Variants in APAF1 observed in about 807,000 individuals in gnomAD.
APAF1 encodes the protein apoptotic peptidase activating factor 1.
In APAF1, 91 loss-of-function variants were observed where a neutral mutation model predicts 152.4. That is an observed-to-expected ratio of 0.60 (90% confidence interval 0.50 to 0.71). APAF1 has a LOEUF of 0.71. APAF1 is among the 30% of genes least tolerant of loss of function. The pLI, the probability that APAF1 is intolerant of heterozygous loss-of-function variation, is 0.00. For missense variants in APAF1, 1,283 were observed against 1,472.0 expected (o/e 0.87, Z 2.10); for synonymous variants, 484 against 494.1 (o/e 0.98, Z 0.27).
intron 13 of APAF1, among the ~76,000 whole-genome samples, chr12:98,679,691 A>G (rs920297744): frequency 6.6e-6 from 1 of 152,196 alleles, no homozygotes; most frequent in Non-Finnish European, 1.5e-5. Flanking sequence ...TGGCATCTCC[A>G]AGCTTCTGGG....
At chr12:98,655,877 G>A (rs1257021649) in intron 4 of APAF1, among the ~76,000 whole-genome samples, 2 of 151,730 alleles carry the variant, frequency 1.3e-5, no homozygotes, top group South Asian at 2.1e-4. Flanking sequence ...TCGGCCTCCC[G>A]GGTTCACACC....
At chr12:98,660,327 C>T (rs1173391591) in intron 5 of APAF1, among the ~76,000 whole-genome samples, 1 of 151,256 alleles carries the variant, frequency 6.6e-6, no homozygotes, top group Non-Finnish European at 1.5e-5. Flanking sequence ...GCTTGGGTGG[C>T]AGAGGAAGAC....
At position 98,699,284 on chromosome 12, in the gene APAF1, A is replaced by G; in HGVS notation, c.2305-124A>G. On this transcript the variant is annotated intron_variant, in intron 16 of 26. Coordinates refer to ENST00000551964, the MANE Select transcript of APAF1 (RefSeq NM_181861.2). ...TTAAAAGCCTTACAAAAAGTCATGC[A>G]TAGGTAAAAATAATTCATCAAGTGA... 5 of 945,052 alleles carry G rather than the reference A, an allele frequency of 5.3e-6. No individual in the cohort carries two copies. The Admixed American group carries it at 1.2e-4, about 23-fold the overall frequency. The allele number at this position is 945,052 out of a possible 1,614,324, so 58.5% of individuals were successfully genotyped here. A position where few individuals can be genotyped will look rare whatever the true frequency, so the allele number is the denominator to read the frequency against.
intron 22 of APAF1, among the ~76,000 whole-genome samples, 192 bp from the exon 23 acceptor site, chr12:98,723,001 T>C (rs1364169434): frequency 6.6e-6 from 1 of 152,210 alleles, no homozygotes; most frequent in East Asian, 1.9e-4. Flanking sequence ...ATTTTGCCCC[T>C]AGTCAATTTA....
Position 98,678,035 on chromosome 12 carries a change from T to G in APAF1, c.1920+484T>G, listed in dbSNP as rs139536814. Among the ~76,000 whole-genome samples, 3 of 151,752 alleles carry G rather than the reference T, an allele frequency of 2.0e-5. No individual in the cohort carries two copies. In the East Asian group the frequency reaches 5.8e-4, roughly 29 times the overall value. ...AGAAAATATTAATGAGTACTTTTCT[T>G]TATGTTTGTGTTCTGCCTTTTGATT... is the stretch of plus-strand genomic sequence containing the variant. On this transcript the variant is annotated intron_variant, in intron 13 of 26. Coordinates refer to ENST00000551964, the MANE Select transcript of APAF1 (RefSeq NM_181861.2).
At chr12:98,664,986 T>C (rs988563078) in intron 7 of APAF1, among the ~76,000 whole-genome samples, 2 of 152,122 alleles carry the variant, frequency 1.3e-5, no homozygotes, top group Non-Finnish European at 2.9e-5. Context: ...TAAGATTTTT[T>C]CACTATTCTA....
intron 16 of APAF1, among the ~76,000 whole-genome samples, chr12:98,696,634 T>C (rs2097710238): frequency 6.6e-6 from 1 of 152,156 alleles, no homozygotes; most frequent in Non-Finnish European, 1.5e-5. Flanking sequence ...TACTCGCCTG[T>C]GCTTGAAACT....
chr12:98,654,816 C>CTTTTTTTTTTTTTTTTTTTTTTATTTTTT (rs758991431), intron 4 of APAF1, among the ~76,000 whole-genome samples: 1 of 116,798 alleles, frequency 8.6e-6, no homozygotes, highest in African/African-American at 3.3e-5. Flanking sequence ...GTAGTATTTT[C>CTTTTTTTTTTTTTTTTTTTTTTATTTTTT]TTTTTTTTTT....
chr12:98,699,811 G>A (rs975486750), intron 17 of APAF1, among the ~76,000 whole-genome samples: 2 of 152,122 alleles, frequency 1.3e-5, no homozygotes, highest in African/African-American at 4.8e-5. Flanking sequence ...CCCCTATTAG[G>A]CACACTGTAT....
At chr12:98,650,939 C>T (rs1479609194) in intron 4 of APAF1, among the ~76,000 whole-genome samples, 1 of 152,154 alleles carries the variant, frequency 6.6e-6, no homozygotes, top group African/African-American at 2.4e-5. Context: ...TAAAAGAACA[C>T]TCCCTCTCCC....
intron 26 of APAF1, among the ~76,000 whole-genome samples, chr12:98,731,750 T>A (rs1368312495): frequency 1.3e-5 from 2 of 152,204 alleles, no homozygotes; most frequent in Admixed American, 1.3e-4. Flanking sequence ...AGCTGTGAGA[T>A]TCATGGGTAA....
Position 98,723,629 on chromosome 12 carries a change from T to TG in APAF1, c.3205-10_3205-9insG. The stretch of plus-strand genomic sequence containing the variant: ...TGTCAACCTCCAAGTGTTTTTTTTT[T>TG]TTTTTTAAGGTATGGAATATTATTA... On this transcript the variant is annotated splice_polypyrimidine_tract_variant and intron_variant, in intron 23 of 26. Coordinates refer to ENST00000551964, the MANE Select transcript of APAF1 (RefSeq NM_181861.2). 6.3e-7 allele frequency: 1 copy of TG among 1,578,148 alleles called. No homozygotes were observed. Among genetic ancestry groups the TG allele is most frequent in the Non-Finnish European group, 8.6e-7 (1 of 1,160,544 alleles).
Position 98,732,028 on chromosome 12 carries a change from T to A in APAF1, c.3601-392T>A, listed in dbSNP as rs1315877229. On this transcript the variant is annotated intron_variant, in intron 26 of 26. Transcript: ENST00000551964. ...TTGGGTCTCTGTCAGAATACCAGTC[T>A]GTGTCTGCAAAGGGGCATTTGAGTG... 2.0e-5 allele frequency among the ~76,000 whole-genome samples: 3 copies of A among 152,198 alleles called. No homozygotes were observed. In the East Asian group the frequency reaches 5.8e-4, roughly 29 times the overall value.
At chr12:98,714,053 G>A (rs1283759916) in intron 21 of APAF1, among the ~76,000 whole-genome samples, 3 of 152,166 alleles carry the variant, frequency 2.0e-5, no homozygotes, top group East Asian at 3.8e-4. Flanking sequence ...AGGGATAATT[G>A]TATGTTTACA....
rs764437457 is a variant in APAF1, at chr12:98,727,262, C to T, written c.3546C>T (p.Asp1182=). ...CTACCCATGGAGGCTGGGTGACTGA[C>T]CTTTGCTTTTCTCCAGATGGCAAAA... ...GAATHGGWVT[D]LCFSPDGKML... The change falls in exon 26 of 27, where the codon GAC becomes GAT. Residue 1182 remains aspartate, a synonymous_variant. Coordinates refer to ENST00000551964, the MANE Select transcript of APAF1 (RefSeq NM_181861.2). The T allele has an allele frequency of 1.2e-6, 2 of 1,614,110 alleles. No homozygotes were observed. The highest frequency in any genetic ancestry group is 2.2e-5 in the East Asian group (1 of 44,882).
intron 13 of APAF1, among the ~76,000 whole-genome samples, chr12:98,678,618 A>G (rs1266629687): frequency 6.6e-6 from 1 of 152,210 alleles, no homozygotes; most frequent in Non-Finnish European, 1.5e-5. Context: ...GTAGCTGCCC[A>G]AGCGGTGGCT....
chr12:98,732,005 G>C (rs976033132), intron 26 of APAF1, among the ~76,000 whole-genome samples: 1 of 152,146 alleles, frequency 6.6e-6, no homozygotes, highest in African/African-American at 2.4e-5. Context: ...TGAATAGTTT[G>C]GGTCTCTGTC....
chr12:98,652,204 T>G (rs1429911899), intron 4 of APAF1, among the ~76,000 whole-genome samples: 1 of 152,146 alleles, frequency 6.6e-6, no homozygotes, highest in Non-Finnish European at 1.5e-5. Flanking sequence ...GCTCCCGCCT[T>G]GGCCTCCCAA....
At chr12:98,674,937 C>T (rs1266557972) in intron 12 of APAF1, among the ~76,000 whole-genome samples, 2 of 152,120 alleles carry the variant, frequency 1.3e-5, no homozygotes, top group African/African-American at 4.8e-5. Context: ...ACTCATGTTT[C>T]AGTTAGTGGC....
Sources: allele counts gnomAD v4.1 joint callset (sites outside exome capture counted in the v4.1 genomes callset), GRCh38; gene constraint gnomAD v4.1.1; transcripts MANE v1.5; gene names NCBI Gene and HGNC (gene_info 2026-07-23, HGNC 2026-07-21).